The following LINGO1 variants were observed in gnomAD, a reference collection of about 807,000 sequenced individuals.
LINGO1 encodes leucine-rich repeat and immunoglobulin-like domain-containing nogo receptor-interacting protein 1.
In LINGO1, 11 loss-of-function variants were observed where a neutral mutation model predicts 37.3. That is an observed-to-expected ratio of 0.29 (90% CI 0.19 to 0.49). The LOEUF (loss-of-function observed/expected upper bound fraction) is 0.49, where lower values mean the gene tolerates loss of function less well. Ranked by LOEUF, LINGO1 falls within the 20% of genes least tolerant of loss-of-function variation. The probability of loss-of-function intolerance (pLI) is 0.99; values close to 1 mark genes in which losing one functional copy is unlikely to be tolerated. For synonymous variants in LINGO1, 387 were observed against 403.0 expected, an observed-to-expected ratio of 0.96 and a Z score of 0.48; for missense variants, 585 against 878.2, an observed-to-expected ratio of 0.67 and a Z score of 4.22.
At chr15:77,731,335 A>G (rs752378430) in intron 2 of LINGO1, among the ~76,000 whole-genome samples, 2 of 152,116 alleles carry the variant, frequency 1.3e-5, no homozygotes, top group African/African-American at 2.4e-5. Flanking sequence ...CGGCACACAA[A>G]TGCACATGCA....
intron 1 of LINGO1, among the ~76,000 whole-genome samples, chr15:77,815,511 C>T (rs2077040288): frequency 6.6e-6 from 1 of 152,224 alleles, no homozygotes; most frequent in Non-Finnish European, 1.5e-5. Context: ...CTCCAGTTAT[C>T]CACGGAGACA....
intron 2 of LINGO1, chr15:77,707,340 T>G (rs1429865768): frequency 6.6e-6 from 1 of 152,234 alleles, no homozygotes; most frequent in Non-Finnish European, 1.5e-5. Context: ...GTTCACTTCC[T>G]GCTACATGCC....
At chr15:77,662,382 C>G (rs910082521) in intron 3 of LINGO1, among the ~76,000 whole-genome samples, 1 of 152,102 alleles carries the variant, frequency 6.6e-6, no homozygotes, top group African/African-American at 2.4e-5. Context: ...TGGCTGGAGC[C>G]CTTGGGGATG....
chr15:77,811,951 A>T (rs1596253259), intron 1 of LINGO1, among the ~76,000 whole-genome samples: 1 of 150,662 alleles, frequency 6.6e-6, no homozygotes, highest in East Asian at 1.9e-4. Flanking sequence ...AAATTAAAAA[A>T]AAAAAAAATA....
intron 2 of LINGO1, among the ~76,000 whole-genome samples, chr15:77,721,177 G>A (rs559010549): frequency 6.6e-6 from 1 of 150,482 alleles, no homozygotes; most frequent in South Asian, 2.1e-4. Context: ...TAACCCTCCC[G>A]CCCCAGTCAC....
chr15:77,683,687 T>C (rs573059858), intron 2 of LINGO1, among the ~76,000 whole-genome samples: 1 of 152,106 alleles, frequency 6.6e-6, no homozygotes, highest in South Asian at 2.1e-4. Context: ...GCACAGAAAA[T>C]GTTCTGAAAG....
At position 77,747,347 on chromosome 15, in the gene LINGO1, G is replaced by A. The variant is rs1158532360; in HGVS notation, c.-256-12294C>T. ...AGGTCCTGGGGGTGGGGTGGGTGCT[G>A]TCTTAATGAACAGATAAGATCCATC... On this transcript the variant is annotated intron_variant, in intron 1 of 3. Coordinates refer to the LINGO1 transcript ENST00000561686. Among the ~76,000 whole-genome samples, 7 of 152,114 alleles carry A rather than the reference G, an allele frequency of 4.6e-5. No individual in the cohort carries two copies. In the South Asian group the frequency reaches 8.3e-4, roughly 18 times the overall value.
chr15:77,778,356 C>T (rs573473341), intron 1 of LINGO1, among the ~76,000 whole-genome samples: 33 of 152,208 alleles, frequency 2.2e-4, no homozygotes, highest in Admixed American at 5.2e-4. Flanking sequence ...ACATTTTCCA[C>T]GTAAGGTAGA....
In LINGO1 at chr15:77,735,985, G is replaced by C. The variant is rs116294303; in HGVS notation, c.-256-932C>G. Among the ~76,000 whole-genome samples, 548 of 152,336 alleles carry C rather than the reference G, an allele frequency of 3.6e-3. 5 individuals carry two copies. Among genetic ancestry groups the C allele is most frequent in the African/African-American group, 0.012 (514 of 41,572 alleles). ...TGCAGTCACGGAAGGCTTCCTAAAAGAGGTGAAGACCTAAATGACTACCTT... is the reference window on the plus strand; with the variant it reads ...TGCAGTCACGGAAGGCTTCCTAAAACAGGTGAAGACCTAAATGACTACCTT... On this transcript the variant is annotated intron_variant, in intron 1 of 3. Coordinates refer to the LINGO1 transcript ENST00000561686.
chr15:77,768,852 CA>C (rs1401942862), intron 1 of LINGO1, among the ~76,000 whole-genome samples: 1 of 152,186 alleles, frequency 6.6e-6, no homozygotes, highest in Non-Finnish European at 1.5e-5. Flanking sequence ...ATCCCCCACT[CA>C]GGGCAGATGA....
At chr15:77,644,982 G>A (rs2074592904) in intron 3 of LINGO1, among the ~76,000 whole-genome samples, 1 of 152,172 alleles carries the variant, frequency 6.6e-6, no homozygotes, top group Admixed American at 6.5e-5. Context: ...ATCAAAACAT[G>A]GGCGTTTACA....
At chr15:77,805,925 C>A (rs1294254279) in intron 1 of LINGO1, among the ~76,000 whole-genome samples, 2 of 152,150 alleles carry the variant, frequency 1.3e-5, no homozygotes, top group Non-Finnish European at 2.9e-5. Flanking sequence ...CTTCCATGTA[C>A]CCCCTCTCCT....
intron 3 of LINGO1, among the ~76,000 whole-genome samples, chr15:77,655,013 C>T (rs937869665): frequency 2.6e-5 from 4 of 152,144 alleles, no homozygotes; most frequent in African/African-American, 9.7e-5. Context: ...GAGGCTTGCC[C>T]GTTCATCTCA....
chr15:77,627,008 C>T (rs1473620539), intron 1 of LINGO1, among the ~76,000 whole-genome samples: 1 of 126,996 alleles, frequency 7.9e-6, no homozygotes, highest in African/African-American at 3.0e-5. Context: ...AAGAAGCGTG[C>T]TGGCCAGGCC....
chr15:77,774,382 G>T (rs963811329), intron 1 of LINGO1, among the ~76,000 whole-genome samples: 5 of 152,060 alleles, frequency 3.3e-5, no homozygotes, highest in Admixed American at 1.3e-4. Flanking sequence ...CTTCCGATCA[G>T]ATTCCACCTC....
At chr15:77,716,069 C>T (rs1386082865) in intron 2 of LINGO1, among the ~76,000 whole-genome samples, 2 of 152,182 alleles carry the variant, frequency 1.3e-5, no homozygotes, top group African/African-American at 4.8e-5. Flanking sequence ...TCAACCTGCA[C>T]AACAAGTTAT....
At chr15:77,783,824 T>C (rs926816955) in intron 1 of LINGO1, among the ~76,000 whole-genome samples, 1 of 152,086 alleles carries the variant, frequency 6.6e-6, no homozygotes, top group African/African-American at 2.4e-5. Flanking sequence ...CAGGAGCCAG[T>C]GCTTTTTTTC....
At chr15:77,719,107 AG>A (rs1442889772) in intron 2 of LINGO1, among the ~76,000 whole-genome samples, 2 of 149,884 alleles carry the variant, frequency 1.3e-5, no homozygotes, top group African/African-American at 4.8e-5. Flanking sequence ...GGCCTCCGGG[AG>A]GGGGCCAGTT....
chr15:77,682,200 C>A (rs780529636), intron 2 of LINGO1, among the ~76,000 whole-genome samples: 4 of 151,832 alleles, frequency 2.6e-5, no homozygotes, highest in Admixed American at 2.0e-4. Flanking sequence ...AACTCTGTGA[C>A]CTTCAGCAAA....
Sources: allele counts gnomAD v4.1 joint callset (sites outside exome capture counted in the v4.1 genomes callset), GRCh38; gene constraint gnomAD v4.1.1; transcripts MANE v1.5; gene names NCBI Gene and HGNC (gene_info 2026-07-23, HGNC 2026-07-21).